Variants in CNTLN observed in about 807,000 individuals in gnomAD.
The protein encoded by CNTLN is centlein, centrosomal protein.
CNTLN carries 212 observed loss-of-function variants against 180.0 expected under a neutral mutation model. The ratio of observed to expected loss-of-function variants is 1.18; its 90% CI spans 1.05 to 1.32. The LOEUF (loss-of-function observed/expected upper bound fraction) is 1.32, where lower values mean the gene tolerates loss of function less well. CNTLN is among the 40% of genes most tolerant of loss of function. The pLI is 0.00. For synonymous variants in CNTLN, 722 were observed against 563.1 expected, an observed-to-expected ratio of 1.28 and a Z score of -3.99; for missense variants, 2,095 against 1,610.9, an observed-to-expected ratio of 1.30 and a Z score of -5.14.
intron 8 of CNTLN, among the ~76,000 whole-genome samples, chr9:17,329,124 A>G (rs1820482565): frequency 1.3e-5 from 2 of 152,056 alleles, no homozygotes; most frequent in Admixed American, 1.3e-4. Context: ...AACTAAAATT[A>G]TGTTTTTCTG....
At chr9:17,177,559 C>G (rs1587013911) in intron 2 of CNTLN, among the ~76,000 whole-genome samples, 1 of 152,132 alleles carries the variant, frequency 6.6e-6, no homozygotes, top group Admixed American at 6.5e-5. Context: ...TTTGTTCCTT[C>G]TGATGGTCGG....
chr9:17,355,175 A>G (rs1339212837), intron 12 of CNTLN, among the ~76,000 whole-genome samples: 2 of 152,256 alleles, frequency 1.3e-5, no homozygotes, highest in South Asian at 2.1e-4. Context: ...CCAATTCCGG[A>G]CACACTGGTT....
intron 6 of CNTLN, among the ~76,000 whole-genome samples, chr9:17,294,176 G>A (rs1030570634): frequency 1.3e-4 from 19 of 151,884 alleles, no homozygotes; most frequent in African/African-American, 4.6e-4. Flanking sequence ...TCCAAAGAGT[G>A]AGCAGCAGCA....
intron 12 of CNTLN, among the ~76,000 whole-genome samples, chr9:17,352,414 A>ATT (rs1474901010): frequency 2.4e-4 from 6 of 25,314 alleles, no homozygotes; most frequent in Admixed American, 8.1e-4. Context: ...ATATATATAT[A>ATT]TATTTTTTTT....
intron 5 of CNTLN, among the ~76,000 whole-genome samples, chr9:17,241,413 A>G (rs1416790288): frequency 6.6e-6 from 1 of 152,024 alleles, no homozygotes; most frequent in Non-Finnish European, 1.5e-5. Flanking sequence ...CCATTGGTCT[A>G]TGTGTCTGTT....
Position 17,340,852 on chromosome 9 carries a change from A to G in CNTLN, c.1670A>G (p.Asp557Gly), listed in dbSNP as rs1328274970. 1.9e-6 allele frequency: 3 copies of G among 1,611,724 alleles called. No individual in the cohort carries two copies. Among genetic ancestry groups the G allele is most frequent in the Non-Finnish European group, 2.5e-6 (3 of 1,178,746 alleles). Residue 557 changes from aspartate to glycine, a missense_variant, in exon 11 of 26, where the codon GAT (aspartate) becomes GGT (glycine). By Grantham distance (94) the Asp-to-Gly change is moderately conservative. Transcript: ENST00000380647. ...LKSQENDELR[D>G]AHEKRKERLQ... ...AGCCAAGAAAATGATGAGCTAAGAGATGCCCATGAAAAACGCAAGGAACGG... is the reference window on the plus strand; with the variant it reads ...AGCCAAGAAAATGATGAGCTAAGAGGTGCCCATGAAAAACGCAAGGAACGG...
rs141284438 is a variant in CNTLN at position 17,203,727 on chromosome 9, T to G, written c.450-22476T>G. ...ACCCGCCACCACGCCCGGCTAATTT[T>G]TTGTATTTTTTAGTAGAGACGGGGT... On this transcript the variant is annotated intron_variant, in intron 2 of 25. Transcript: ENST00000380647. Among the ~76,000 whole-genome samples the G allele has an allele frequency of 9.0e-3, 1,363 of 152,268 alleles. 15 individuals carry two copies. The highest frequency in any genetic ancestry group is 0.034 in the Middle Eastern group (10 of 294).
At chr9:17,364,338 T>C (rs2133416055) in intron 12 of CNTLN, among the ~76,000 whole-genome samples, 1 of 152,272 alleles carries the variant, frequency 6.6e-6, no homozygotes, top group South Asian at 2.1e-4. Flanking sequence ...CTCTCTTCCA[T>C]TTTATCAATT....
At chr9:17,379,707 C>T (rs964552881) in intron 13 of CNTLN, among the ~76,000 whole-genome samples, 5 of 152,132 alleles carry the variant, frequency 3.3e-5, no homozygotes, top group Admixed American at 2.6e-4. Context: ...CATGTTTTCT[C>T]TAGATTAAAT....
At chr9:17,219,206 A>G (rs1273281957) in intron 2 of CNTLN, among the ~76,000 whole-genome samples, 1 of 150,496 alleles carries the variant, frequency 6.6e-6, no homozygotes, top group East Asian at 1.9e-4. Flanking sequence ...TGTCTCAGTC[A>G]TTGATCATCA....
intron 12 of CNTLN, among the ~76,000 whole-genome samples, chr9:17,351,640 C>G (rs1822373077): frequency 6.6e-6 from 1 of 152,110 alleles, no homozygotes; most frequent in East Asian, 1.9e-4. Context: ...TTATTTCTTT[C>G]CATCCTCACT....
intron 18 of CNTLN, among the ~76,000 whole-genome samples, chr9:17,421,662 C>T (rs971894306): frequency 2.1e-4 from 32 of 151,850 alleles, no homozygotes; most frequent in African/African-American, 7.7e-4. Context: ...TCCTATTTTC[C>T]TTTGTGTAAA....
At chr9:17,343,787 C>T (rs148646006) in intron 12 of CNTLN, among the ~76,000 whole-genome samples, 2 of 152,180 alleles carry the variant, frequency 1.3e-5, no homozygotes, top group East Asian at 3.9e-4. Context: ...TTTATCACCC[C>T]CCGCTACTCT....
At chr9:17,336,070 T>C (rs1452857015) in intron 10 of CNTLN, among the ~76,000 whole-genome samples, 1 of 152,206 alleles carries the variant, frequency 6.6e-6, no homozygotes, top group Non-Finnish European at 1.5e-5. Flanking sequence ...TTTTTGTGTG[T>C]ATCCTGTAGG....
intron 2 of CNTLN, among the ~76,000 whole-genome samples, chr9:17,154,087 A>G (rs1263618327): frequency 6.6e-6 from 1 of 152,038 alleles, no homozygotes; most frequent in Non-Finnish European, 1.5e-5. Context: ...GCTTCCTTGC[A>G]TTAGTTTAGA....
intron 18 of CNTLN, among the ~76,000 whole-genome samples, chr9:17,441,428 A>C (rs1164234541): frequency 6.6e-6 from 1 of 152,164 alleles, no homozygotes; most frequent in Non-Finnish European, 1.5e-5. Flanking sequence ...ATTACATGTG[A>C]GAAGTAAACG....
chr9:17,370,822 GT>G (rs1824258042), intron 13 of CNTLN, among the ~76,000 whole-genome samples: 1 of 152,058 alleles, frequency 6.6e-6, no homozygotes, highest in African/African-American at 2.4e-5. Flanking sequence ...ATTTTTATCA[GT>G]TTTGTTTTTG....
At chr9:17,160,350 A>G (rs7020252) in intron 2 of CNTLN, among the ~76,000 whole-genome samples, 2,876 of 152,144 alleles carry the variant, frequency 0.019, 58 homozygotes, top group African/African-American at 0.05. Context: ...CAAACTCACT[A>G]TATTATGTAA....
At chr9:17,392,273 TGTAATTACTTA>T (rs1826173697) in intron 14 of CNTLN, among the ~76,000 whole-genome samples, 1 of 152,110 alleles carries the variant, frequency 6.6e-6, no homozygotes, top group Admixed American at 6.6e-5. Context: ...TCAAAGAAAG[TGTAATTACTTA>T]CTTGCATCAA....
Sources: allele counts gnomAD v4.1 joint callset (sites outside exome capture counted in the v4.1 genomes callset), GRCh38; gene constraint gnomAD v4.1.1; transcripts MANE v1.5; gene names NCBI Gene and HGNC (gene_info 2026-07-23, HGNC 2026-07-21).